Variants in SYNM observed in about 807,000 individuals in gnomAD.
SYNM encodes synemin.
In SYNM, 95 loss-of-function variants were observed where a neutral mutation model predicts 104.0. That is an observed-to-expected ratio of 0.91 (90% CI 0.77 to 1.08). The LOEUF (loss-of-function observed/expected upper bound fraction) is 1.08. SYNM is among the 50% of genes least tolerant of loss of function. The probability of loss-of-function intolerance (pLI) is 0.00; values close to 1 mark genes in which losing one functional copy is unlikely to be tolerated. For synonymous variants in SYNM, 918 were observed against 869.0 expected (o/e 1.06, Z -0.99); for missense variants, 2,150 against 2,052.2 (o/e 1.05, Z -0.92).
chr15:99,136,368 C>G (rs1248417100), downstream of SYNM: 2 of 152,270 alleles, frequency 1.3e-5, no homozygotes, highest in Admixed American at 6.5e-5. Context: ...CATGGACTCT[C>G]AGTTCAGGCT....
Position 99,130,419 on chromosome 15 carries a change from G to A in SYNM, c.2059G>A (p.Val687Ile). ...PGERKTKTEIVVESKLTEDVD... is the reference protein window; with the variant it reads ...PGERKTKTEIIVESKLTEDVD... Reference sequence around the variant, plus strand: ...GGAAAGGAAAACAAAGACTGAAATAGTTGTGGAGTCTAAACTGACTGAGGA... The same window carrying A: ...GGAAAGGAAAACAAAGACTGAAATAATTGTGGAGTCTAAACTGACTGAGGA... Residue 687 changes from valine (V) to isoleucine (I), a missense_variant, in exon 4 of 4, where the codon GTT (valine) becomes ATT (isoleucine). Coordinates refer to ENST00000336292, the MANE Select transcript of SYNM (RefSeq NM_145728.3). The A allele has an allele frequency of 1.2e-6, 2 of 1,613,892 alleles. No homozygotes were observed. The highest frequency in any genetic ancestry group is 8.5e-7 in the Non-Finnish European group (1 of 1,179,876).
At chr15:99,110,166 C>T (rs1555483259) in intron 1 of SYNM, among the ~76,000 whole-genome samples, 1 of 152,154 alleles carries the variant, frequency 6.6e-6, no homozygotes, top group East Asian at 1.9e-4. Flanking sequence ...GGACTTCAGG[C>T]GTTGTGGCCT....
At chr15:99,119,797 T>C (rs115197683) in intron 2 of SYNM, among the ~76,000 whole-genome samples, 6 of 152,260 alleles carry the variant, frequency 3.9e-5, no homozygotes, top group Admixed American at 2.6e-4. Context: ...CATTTTGTTA[T>C]GAGAATTTCC....
In SYNM at chr15:99,129,909, C is replaced by T. The variant is rs782009169; in HGVS notation, c.1549C>T (p.Arg517Ter). ...EQERNRPETI[R>*]TKPEEKMFDS... ...AGAAAGAAACAGACCAGAAACCATC[C>T]GAACAAAGCCAGAAGAGAAAATGTT... The change falls in exon 4 of 4, where the codon CGA (arginine) becomes TGA (stop). Residue 517 changes from arginine to a stop codon, truncating the protein, a stop_gained. Transcript: ENST00000336292. LOFTEE classifies it low-confidence loss of function (END_TRUNC). 101 of 1,612,302 alleles carry T rather than the reference C, an allele frequency of 6.3e-5. No individual in the cohort carries two copies. The highest frequency in any genetic ancestry group is 8.1e-5 in the Non-Finnish European group (95 of 1,179,172).
downstream of SYNM, chr15:99,139,037 C>G (rs2067895711): frequency 2.1e-6 from 1 of 475,026 alleles, no homozygotes; most frequent in Non-Finnish European, 3.9e-6. Context: ...TCCCGGGGCC[C>G]TCCCCCTGCA....
At chr15:99,139,637 C>CA (rs1472880858), downstream of SYNM, 21 of 1,488,956 alleles carry the variant, frequency 1.4e-5, no homozygotes, top group Admixed American at 2.0e-4. Context: ...TATCTGTATG[C>CA]AAAAAATAGA....
Position 99,105,983 on chromosome 15 carries a change from T to A in SYNM, c.784T>A (p.Tyr262Asn). 1 of 1,504,732 alleles carries A rather than the reference T, an allele frequency of 6.6e-7. No homozygotes were observed. The highest frequency in any genetic ancestry group is 8.8e-7 in the Non-Finnish European group (1 of 1,133,524). 93.2% of individuals were successfully genotyped at this position (1,504,732 alleles called of 1,614,324 possible). Residue 262 changes from tyrosine to asparagine, a missense_variant, in exon 1 of 4, where the codon TAC becomes AAC. Physicochemically the swap from Tyr to Asn is moderately radical, Grantham distance 143. Transcript: ENST00000336292. ...EDALLRMREE[Y>N]GIQAEERQRV... ...CGCGCTGCTGCGGATGCGCGAGGAG[T>A]ACGGGATACAGGCCGAGGAGCGGCA...
chr15:99,133,115 G>A lies in SYNM; in HGVS notation c.*57G>A, dbSNP rs1596139493. 1 of 1,593,322 alleles carries A rather than the reference G, an allele frequency of 6.3e-7. No homozygotes were observed. Among genetic ancestry groups the A allele is most frequent in the Non-Finnish European group, 8.5e-7 (1 of 1,175,758 alleles). On this transcript the variant is annotated 3_prime_UTR_variant, in exon 4 of 4. Coordinates refer to ENST00000336292, the MANE Select transcript of SYNM (RefSeq NM_145728.3). ...TGTTGGCGACGTGCCAACATCCAAA[G>A]GCCTTAACTTATTTTAAGAGGCCGA...
At position 99,130,479 on chromosome 15, in the gene SYNM, C is replaced by T. The variant is rs782143011; in HGVS notation, c.2119C>T (p.Leu707Phe). ...TTCCGATGAAGCTGGCCTGGACTAC[C>T]TTTTAAGCAAGGATATTAAGGAAGT... Reference protein sequence around the residue: ...DVSDEAGLDYLLSKDIKEVGL... With the variant: ...DVSDEAGLDYFLSKDIKEVGL... The change falls in exon 4 of 4, where the codon CTT becomes TTT. Residue 707 changes from leucine (L) to phenylalanine (F), a missense_variant. Physicochemically the swap from Leu to Phe is conservative, Grantham distance 22 (BLOSUM62 0). Transcript: ENST00000336292. The T allele has an allele frequency of 2.5e-6, 4 of 1,613,732 alleles. No individual in the cohort carries two copies. Among genetic ancestry groups the T allele is most frequent in the African/African-American group, 1.3e-5 (1 of 74,892 alleles).
rs112065296 is a variant in SYNM, at chr15:99,106,013, C to A, written c.810+4C>A. On this transcript the variant is annotated splice_donor_region_variant and intron_variant, in intron 1 of 3. Transcript: ENST00000336292. ...GATACAGGCCGAGGAGCGGCAGGTC[C>A]GTGCGCGGGGATGGCGCGCTGACCC... 96,027 of 1,446,432 alleles carry A rather than the reference C, an allele frequency of 0.066. 3,481 individuals carry two copies. The highest frequency in any genetic ancestry group is 0.12 in the Admixed American group (4,882 of 40,350). The allele number at this position is 1,446,432 out of a possible 1,614,324, so 89.6% of individuals were successfully genotyped here.
At chr15:99,116,731 G>A (rs532620733) in intron 2 of SYNM, among the ~76,000 whole-genome samples, 3 of 142,578 alleles carry the variant, frequency 2.1e-5, no homozygotes, top group African/African-American at 5.0e-5. Flanking sequence ...GTGGTGGTGC[G>A]ATCTTGGCTC....
intron 2 of SYNM, among the ~76,000 whole-genome samples, chr15:99,125,264 G>A (rs2067436317): frequency 6.6e-6 from 1 of 152,198 alleles, no homozygotes; most frequent in African/African-American, 2.4e-5. Flanking sequence ...GCAGAGCCTT[G>A]GGGCCTGGCT....
chr15:99,129,139 C>T (rs1316597330), intron 3 of SYNM: 6 of 562,238 alleles, frequency 1.1e-5, no homozygotes, highest in South Asian at 2.4e-5. Flanking sequence ...ACTGGAGAAA[C>T]GTGTTAGGCT....
chr15:99,109,990 A>T (rs2067286848), intron 1 of SYNM, among the ~76,000 whole-genome samples: 1 of 152,158 alleles, frequency 6.6e-6, no homozygotes, highest in Non-Finnish European at 1.5e-5. Context: ...CTGTTTTAAA[A>T]ATAGACTGAG....
downstream of SYNM, chr15:99,140,059 G>A (rs760273200): frequency 3.2e-5 from 7 of 217,142 alleles, no homozygotes; most frequent in Non-Finnish European, 6.6e-5. Flanking sequence ...TTGCTTTACT[G>A]AATGCCAAAG....
intron 2 of SYNM, 123 bp from the exon 3 acceptor site, chr15:99,126,599 C>T: frequency 1.0e-6 from 1 of 973,490 alleles, no homozygotes; most frequent in Non-Finnish European, 1.5e-6. Flanking sequence ...GTCTCCTCTT[C>T]AGGTAGAAGT....
At chr15:99,108,100 G>A (rs2067266922) in intron 1 of SYNM, among the ~76,000 whole-genome samples, 1 of 151,844 alleles carries the variant, frequency 6.6e-6, no homozygotes, top group Admixed American at 6.6e-5. Flanking sequence ...TCAGCCTCCC[G>A]AGTAGCTGGG....
At chr15:99,128,599 A>G (rs2151808671) in intron 3 of SYNM, among the ~76,000 whole-genome samples, 1 of 152,290 alleles carries the variant, frequency 6.6e-6, no homozygotes, top group Non-Finnish European at 1.5e-5. Flanking sequence ...CTCGGGGTGG[A>G]CGGTGCTCCT....
At chr15:99,107,960 TTGG>T (rs1555483020) in intron 1 of SYNM, among the ~76,000 whole-genome samples, 20 of 55,774 alleles carry the variant, frequency 3.6e-4, no homozygotes, top group African/African-American at 1.8e-3. Context: ...TGTTTTTTTT[TTGG>T]TTTTGGTTTT....
Sources: allele counts gnomAD v4.1 joint callset (sites outside exome capture counted in the v4.1 genomes callset), GRCh38; gene constraint gnomAD v4.1.1; transcripts MANE v1.5; gene names NCBI Gene and HGNC (gene_info 2026-07-23, HGNC 2026-07-21).